SNX29: variants seen among roughly 807,000 people sequenced by gnomAD.
The protein encoded by SNX29 is sorting nexin 29.
SNX29 carries 78 observed loss-of-function variants against 102.1 expected under a neutral mutation model. That is an observed-to-expected ratio of 0.76 (90% confidence interval 0.64 to 0.92). SNX29 has a LOEUF of 0.92. Ranked by LOEUF, SNX29 falls within the 40% of genes least tolerant of loss-of-function variation. SNX29 has a pLI of 0.00. For synonymous variants in SNX29, 580 were observed against 414.5 expected (o/e 1.40, Z -4.85); for missense variants, 1,280 against 1,061.7 (o/e 1.21, Z -2.86).
chr16:12,383,327 TATAAGA>T (rs1256804402), intron 16 of SNX29, among the ~76,000 whole-genome samples: 1 of 152,234 alleles, frequency 6.6e-6, no homozygotes, highest in Non-Finnish European at 1.5e-5. Context: ...GACATAGCAT[TATAAGA>T]ATATTATTTA....
intron 16 of SNX29, among the ~76,000 whole-genome samples, chr16:12,388,687 G>A (rs939288368): frequency 2.6e-5 from 4 of 152,230 alleles, no homozygotes; most frequent in Admixed American, 2.6e-4. Flanking sequence ...ATAAAACTTC[G>A]TTTACAAAAA....
chr16:12,430,014 G>A (rs1251298161), intron 18 of SNX29, among the ~76,000 whole-genome samples: 1 of 152,204 alleles, frequency 6.6e-6, no homozygotes, highest in African/African-American at 2.4e-5. Context: ...GGTGAGCCGT[G>A]GGCCAGCAAG....
chr16:12,403,255 T>TGTGTGTGTGTGTGG (rs200446987), intron 17 of SNX29, among the ~76,000 whole-genome samples, 193 bp from the exon 18 acceptor site: 3 of 101,030 alleles, frequency 3.0e-5, no homozygotes, highest in African/African-American at 8.3e-5. Flanking sequence ...TGTGTGTGTG[T>TGTGTGTGTGTGTGG]AGAGAGAGAC....
Position 12,572,605 on chromosome 16 carries a change from C to A in SNX29, c.*3976C>A. 5 of 1,063,838 alleles carry A rather than the reference C, an allele frequency of 4.7e-6. No individual in the cohort carries two copies. The highest frequency in any genetic ancestry group is 5.7e-6 in the Non-Finnish European group (5 of 878,316). The allele number at this position is 1,063,838 out of a possible 1,614,324, so 65.9% of individuals were successfully genotyped here. A position where few individuals can be genotyped will look rare whatever the true frequency, so the allele number is the denominator to read the frequency against. ...CTCTGGGCTCCCAGTGAGCCCCCTC[C>A]CCTCCGGCTACCCCCAGAATCCATC... On this transcript the variant is annotated 3_prime_UTR_variant, in exon 21 of 21. Transcript: ENST00000566228.
intron 19 of SNX29, among the ~76,000 whole-genome samples, chr16:12,481,549 CA>C (rs1567608722): frequency 0.075 from 10,141 of 134,414 alleles, 459 homozygotes; most frequent in African/African-American, 0.14. Flanking sequence ...CACACACACA[CA>C]CACACCCCAA....
At chr16:12,099,636 A>G (rs1444313954) in intron 11 of SNX29, among the ~76,000 whole-genome samples, 2 of 152,178 alleles carry the variant, frequency 1.3e-5, no homozygotes, top group East Asian at 1.9e-4. Context: ...AAGGAAGCCC[A>G]GTTCTGACCA....
At chr16:12,168,725 C>T (rs2141725914) in intron 13 of SNX29, among the ~76,000 whole-genome samples, 1 of 152,338 alleles carries the variant, frequency 6.6e-6, no homozygotes, top group East Asian at 1.9e-4. Context: ...CTGCTAGAAT[C>T]TTCTTAACAA....
At chr16:12,231,571 T>C (rs186022095) in intron 14 of SNX29, among the ~76,000 whole-genome samples, 45 of 152,304 alleles carry the variant, frequency 3.0e-4, no homozygotes, top group African/African-American at 1.0e-3. Context: ...AACAAAACTT[T>C]TACTATACTG....
chr16:12,505,367 A>G (rs1233405655), intron 19 of SNX29, among the ~76,000 whole-genome samples: 2 of 152,196 alleles, frequency 1.3e-5, no homozygotes, highest in Non-Finnish European at 2.9e-5. Flanking sequence ...CTATTTGAAA[A>G]AAAACCATTG....
chr16:12,311,955 C>T lies in SNX29; in HGVS notation c.1782+33919C>T, dbSNP rs1076880. Among the ~76,000 whole-genome samples, 755 of 152,208 alleles carry T rather than the reference C, an allele frequency of 5.0e-3. 8 individuals are homozygous for T. The highest frequency in any genetic ancestry group is 0.017 in the African/African-American group (714 of 41,540). Reference sequence around the variant, plus strand: ...TAGGCAGCTCTTTTCCATGAGGAACCGGGGCCCAGGTTTCTTCTGCTTTGT... The same window carrying T: ...TAGGCAGCTCTTTTCCATGAGGAACTGGGGCCCAGGTTTCTTCTGCTTTGT... On this transcript the variant is annotated intron_variant, in intron 15 of 20. Coordinates refer to ENST00000566228, the MANE Select transcript of SNX29 (RefSeq NM_032167.5).
intron 14 of SNX29, among the ~76,000 whole-genome samples, chr16:12,220,483 T>A (rs1196155908): frequency 6.6e-6 from 1 of 152,116 alleles, no homozygotes; most frequent in Admixed American, 6.5e-5. Context: ...TGACCTGCTA[T>A]GAGGCTGTGA....
chr16:12,165,994 T>G (rs1478130800), intron 13 of SNX29, among the ~76,000 whole-genome samples: 1 of 152,228 alleles, frequency 6.6e-6, no homozygotes, highest in African/African-American at 2.4e-5. Flanking sequence ...CTTAGGGGGT[T>G]GTCGAGAGTT....
chr16:12,485,341 G>A (rs1220866302), intron 19 of SNX29, among the ~76,000 whole-genome samples: 1 of 152,186 alleles, frequency 6.6e-6, no homozygotes, highest in East Asian at 1.9e-4. Flanking sequence ...GGCTCAGGGA[G>A]CGAATGAGAA....
intron 14 of SNX29, among the ~76,000 whole-genome samples, chr16:12,212,249 G>C (rs2077206188): frequency 6.6e-6 from 1 of 152,162 alleles, no homozygotes; most frequent in Non-Finnish European, 1.5e-5. Context: ...AACTGATTGT[G>C]TGCCATGAGT....
intron 16 of SNX29, among the ~76,000 whole-genome samples, chr16:12,357,097 C>T (rs754649082): frequency 6.6e-6 from 1 of 152,238 alleles, no homozygotes; most frequent in South Asian, 2.1e-4. Flanking sequence ...GCATCTAACA[C>T]TTGTCCTTTT....
chr16:12,230,514 A>G (rs962047845), intron 14 of SNX29, among the ~76,000 whole-genome samples: 4 of 152,228 alleles, frequency 2.6e-5, no homozygotes, highest in African/African-American at 9.6e-5. Flanking sequence ...AAATGAGTTC[A>G]TCGATCTTGC....
At chr16:12,216,851 A>G (rs1437210568) in intron 14 of SNX29, among the ~76,000 whole-genome samples, 4 of 152,028 alleles carry the variant, frequency 2.6e-5, no homozygotes, top group African/African-American at 9.7e-5. Flanking sequence ...CTTCAAGTTC[A>G]CTTGTCTTCT....
In SNX29 at chr16:12,141,888, C is replaced by T. The variant is rs193045186; in HGVS notation, c.1595+12130C>T. 7.0e-4 allele frequency among the ~76,000 whole-genome samples: 107 copies of T among 152,288 alleles called. 1 individual carries two copies. Among genetic ancestry groups the T allele is most frequent in the East Asian group, 5.8e-4 (3 of 5,188 alleles). ...CAGTCCTCCTGACCTCCCATCTCAT[C>T]CTGTGACTAGGAATGCTTCACTTCC... On this transcript the variant is annotated intron_variant, in intron 13 of 20. Transcript: ENST00000566228.
intron 16 of SNX29, among the ~76,000 whole-genome samples, chr16:12,364,315 A>G (rs961832320): frequency 6.6e-6 from 1 of 152,082 alleles, no homozygotes; most frequent in Non-Finnish European, 1.5e-5. Context: ...TGCTGGGATT[A>G]TAGGTGTGAG....
Sources: allele counts gnomAD v4.1 joint callset (sites outside exome capture counted in the v4.1 genomes callset), GRCh38; gene constraint gnomAD v4.1.1; transcripts MANE v1.5; gene names NCBI Gene and HGNC (gene_info 2026-07-23, HGNC 2026-07-21).